Variants in GSTCD observed in about 807,000 individuals in gnomAD.
The protein encoded by GSTCD is glutathione S-transferase C-terminal domain containing, also known as glutathione S-transferase C-terminal domain-containing protein.
A neutral mutation model predicts 68.3 loss-of-function variants in GSTCD; 44 were observed. The observed-to-expected ratio is 0.64, with a 90% CI of 0.51 to 0.83. The LOEUF (loss-of-function observed/expected upper bound fraction) is 0.83, where lower values mean the gene tolerates loss of function less well. GSTCD is among the 40% of genes least tolerant of loss of function. The probability of loss-of-function intolerance (pLI) is 0.00; values close to 1 mark genes in which losing one functional copy is unlikely to be tolerated. For missense variants in GSTCD, 739 were observed against 735.9 expected, an observed-to-expected ratio of 1.00 and a Z score of -0.05; for synonymous variants, 273 against 255.2, an observed-to-expected ratio of 1.07 and a Z score of -0.67.
At chr4:105,823,987 C>T (rs948836114) in intron 7 of GSTCD, among the ~76,000 whole-genome samples, 1 of 152,070 alleles carries the variant, frequency 6.6e-6, no homozygotes, top group Non-Finnish European at 1.5e-5. Flanking sequence ...AGTCTTCTGC[C>T]ATGTTAAATC....
At chr4:105,835,517 A>G (rs966109292) in intron 9 of GSTCD, among the ~76,000 whole-genome samples, 8 of 152,106 alleles carry the variant, frequency 5.3e-5, no homozygotes, top group Non-Finnish European at 1.5e-5. Context: ...TAGGGAACAC[A>G]GTGGCAACCA....
chr4:105,748,882 C>T (rs1334763565), intron 5 of GSTCD, among the ~76,000 whole-genome samples: 1 of 151,738 alleles, frequency 6.6e-6, no homozygotes, highest in Non-Finnish European at 1.5e-5. Flanking sequence ...TTTTACTGGG[C>T]AAAATTGTCC....
At chr4:105,752,599 A>G (rs1560811311) in intron 5 of GSTCD, among the ~76,000 whole-genome samples, 1 of 152,080 alleles carries the variant, frequency 6.6e-6, no homozygotes, top group Non-Finnish European at 1.5e-5. Flanking sequence ...TTGTGTCTAT[A>G]GGAAATGAAT....
At chr4:105,739,555 C>T (rs1470462330) in intron 5 of GSTCD, among the ~76,000 whole-genome samples, 1 of 152,070 alleles carries the variant, frequency 6.6e-6, no homozygotes, top group Admixed American at 6.5e-5. Context: ...TGGTCTATTT[C>T]TAGGAGGTAG....
At chr4:105,735,113 GC>G (rs1169698138) in intron 5 of GSTCD, among the ~76,000 whole-genome samples, 1 of 152,208 alleles carries the variant, frequency 6.6e-6, no homozygotes, top group Non-Finnish European at 1.5e-5. Flanking sequence ...TCCCAGTTAG[GC>G]TACTCGGGGG....
chr4:105,776,946 A>G lies in GSTCD; in HGVS notation c.1241-46008A>G, dbSNP rs147149075. Among the ~76,000 whole-genome samples the G allele has an allele frequency of 4.1e-3, 624 of 152,256 alleles. 2 individuals carry two copies. Among genetic ancestry groups the G allele is most frequent in the Non-Finnish European group, 6.6e-3 (447 of 68,026 alleles). On this transcript the variant is annotated intron_variant, in intron 5 of 11. Coordinates refer to ENST00000515279, the MANE Select transcript of GSTCD (RefSeq NM_001370181.1). ...CTTTGGGGGAGTCCTATTACTTTAT[A>G]ACTACCTGCCATTCTCCATTCTGTA...
At chr4:105,822,416 A>T (rs995649510) in intron 5 of GSTCD, among the ~76,000 whole-genome samples, 6 of 152,110 alleles carry the variant, frequency 3.9e-5, no homozygotes, top group African/African-American at 1.4e-4. Flanking sequence ...AAAGTTTCCC[A>T]GTGTCCTACA....
At chr4:105,812,005 A>C (rs1722772358) in intron 5 of GSTCD, among the ~76,000 whole-genome samples, 1 of 152,196 alleles carries the variant, frequency 6.6e-6, no homozygotes, top group African/African-American at 2.4e-5. Context: ...ACAGGCATAT[A>C]TTAAGAATGC....
chr4:105,781,910 T>G (rs975849495), intron 5 of GSTCD, among the ~76,000 whole-genome samples: 1 of 152,024 alleles, frequency 6.6e-6, no homozygotes, highest in Non-Finnish European at 1.5e-5. Flanking sequence ...TTTTCTAAGG[T>G]GCATAGCATG....
intron 5 of GSTCD, among the ~76,000 whole-genome samples, chr4:105,809,617 C>T (rs1722672996): frequency 6.6e-6 from 1 of 152,046 alleles, no homozygotes; most frequent in South Asian, 2.1e-4. Context: ...GGAATGTGTA[C>T]TCCATGGCAG....
At chr4:105,732,862 A>C (rs1733302800) in intron 5 of GSTCD, among the ~76,000 whole-genome samples, 1 of 152,168 alleles carries the variant, frequency 6.6e-6, no homozygotes, top group African/African-American at 2.4e-5. Context: ...ACTGCTTTAA[A>C]TGTGTCCCAG....
intron 3 of GSTCD, among the ~76,000 whole-genome samples, chr4:105,720,709 A>G (rs1732834080): frequency 1.3e-5 from 2 of 152,108 alleles, no homozygotes; most frequent in South Asian, 4.1e-4. Flanking sequence ...ATTTTTTCCT[A>G]GTCAGATGAT....
chr4:105,815,037 G>A (rs1048541572), intron 5 of GSTCD: 1 of 152,186 alleles, frequency 6.6e-6, no homozygotes, highest in African/African-American at 2.4e-5. Context: ...TCATGTATAG[G>A]TAGGTGCCCT....
At chr4:105,767,117 G>C (rs28712524) in intron 5 of GSTCD, among the ~76,000 whole-genome samples, 2 of 152,048 alleles carry the variant, frequency 1.3e-5, no homozygotes, top group African/African-American at 2.4e-5. Flanking sequence ...ACAGAAAAAA[G>C]AAGGTGATGT....
At chr4:105,839,815 G>C (rs879441832) in intron 10 of GSTCD, among the ~76,000 whole-genome samples, 3 of 152,182 alleles carry the variant, frequency 2.0e-5, no homozygotes, top group Non-Finnish European at 4.4e-5. Flanking sequence ...AAAATCAAGG[G>C]TGGTGAAGAG....
chr4:105,726,102 T>C (rs192518905), intron 3 of GSTCD, among the ~76,000 whole-genome samples: 1 of 152,164 alleles, frequency 6.6e-6, no homozygotes, highest in Non-Finnish European at 1.5e-5. Flanking sequence ...ACATTATTTA[T>C]AATAACCAAC....
chr4:105,844,727 A>T (rs1001987576), intron 11 of GSTCD, among the ~76,000 whole-genome samples: 1 of 152,232 alleles, frequency 6.6e-6, no homozygotes, highest in Admixed American at 6.5e-5. Flanking sequence ...GAATATATTC[A>T]GCCCCAAATC....
chr4:105,812,289 C>T (rs185349353), intron 5 of GSTCD, among the ~76,000 whole-genome samples: 2 of 152,210 alleles, frequency 1.3e-5, no homozygotes, highest in East Asian at 3.9e-4. Context: ...GCTGTGATTA[C>T]TTTGGTTATT....
rs139302961 is a variant in GSTCD at position 105,745,645 on chromosome 4, T to C, written c.1240+16146T>C. On this transcript the variant is annotated intron_variant, in intron 5 of 11. Coordinates refer to ENST00000515279, the MANE Select transcript of GSTCD (RefSeq NM_001370181.1). The stretch of plus-strand genomic sequence containing the variant: ...TTTGCCTTAAGACCTAGAACAAAGC[T>C]GGCCTAAGCCACTTAATCCATGCAT... Among the ~76,000 whole-genome samples, 641 of 152,338 alleles carry C rather than the reference T, an allele frequency of 4.2e-3. 2 individuals are homozygous for C. Among genetic ancestry groups the C allele is most frequent in the Middle Eastern group, 0.024 (7 of 294 alleles).
Sources: gnomAD v4.1 joint callset for allele counts (sites outside exome capture counted in the v4.1 genomes callset) on GRCh38, gnomAD v4.1.1 for gene constraint, MANE v1.5 for transcripts, NCBI Gene and HGNC (gene_info 2026-07-23, HGNC 2026-07-21) for gene names.